Variants in GFOD1 observed in about 807,000 individuals in gnomAD.
GFOD1 encodes Gfo/Idh/MocA-like oxidoreductase domain containing 1, also known as glucose-fructose oxidoreductase domain-containing protein 1.
GFOD1 carries 9 observed loss-of-function variants against 25.4 expected under a neutral mutation model. The ratio of observed to expected loss-of-function variants is 0.35; its 90% CI spans 0.21 to 0.62. GFOD1 has a LOEUF of 0.62. GFOD1 is among the 20% of genes least tolerant of loss of function. The pLI is 0.72. For synonymous variants in GFOD1, 253 were observed against 245.6 expected (o/e 1.03, Z -0.28); for missense variants, 403 against 556.9 (o/e 0.72, Z 2.78).
chr6:13,382,026 C>T (rs1175327017), intron 1 of GFOD1, among the ~76,000 whole-genome samples: 3 of 151,962 alleles, frequency 2.0e-5, no homozygotes, highest in Non-Finnish European at 4.4e-5. Flanking sequence ...TCACTGAATC[C>T]TCCCAAAACC....
In GFOD1 at chr6:13,478,073, A is replaced by C. The variant is rs370215010; in HGVS notation, c.253+8565T>G. On this transcript the variant is annotated intron_variant, in intron 1 of 1. Coordinates refer to ENST00000379287, the MANE Select transcript of GFOD1 (RefSeq NM_018988.4). ...AGTGAGAATCTATCTCAAAAAAAAA[A>C]AAAACAAAACAAAGAAACAAAAAAA... Among the ~76,000 whole-genome samples, 1,304 of 151,910 alleles carry C rather than the reference A, an allele frequency of 8.6e-3. 21 individuals are homozygous for C. Among genetic ancestry groups the C allele is most frequent in the African/African-American group, 0.028 (1,174 of 41,452 alleles).
chr6:13,445,267 T>A (rs1208535041), intron 1 of GFOD1, among the ~76,000 whole-genome samples: 1 of 152,264 alleles, frequency 6.6e-6, no homozygotes, highest in South Asian at 2.1e-4. Flanking sequence ...GATTTCCTGA[T>A]GCTCGTTGAG....
At position 13,364,652 on chromosome 6, in the gene GFOD1, C is replaced by T; in HGVS notation, c.*91G>A. The T allele has an allele frequency of 9.1e-7, 1 of 1,100,328 alleles. No homozygotes were observed. Among genetic ancestry groups the T allele is most frequent in the Non-Finnish European group, 1.3e-6 (1 of 764,454 alleles). 68.2% of individuals were successfully genotyped at this position (1,100,328 alleles called of 1,614,324 possible). On this transcript the variant is annotated 3_prime_UTR_variant, in exon 2 of 2. Coordinates refer to ENST00000379287, the MANE Select transcript of GFOD1 (RefSeq NM_018988.4). This position sits in a 1 kb window ranked among gnomAD's most constrained non-coding sequence, Gnocchi z 4.1. ...TGTCCCTCCACCTCCCTGATCCCCA[C>T]ATTCCCCATGGTCACCCTCTCCCCT...
At chr6:13,412,378 G>A (rs1786091413) in intron 1 of GFOD1, among the ~76,000 whole-genome samples, 1 of 152,138 alleles carries the variant, frequency 6.6e-6, no homozygotes, top group African/African-American at 2.4e-5. Context: ...AACGAGAAAG[G>A]CCTTAGGAGA....
At chr6:13,445,376 T>C (rs962091983) in intron 1 of GFOD1, among the ~76,000 whole-genome samples, 18 of 152,172 alleles carry the variant, frequency 1.2e-4, no homozygotes, top group African/African-American at 4.3e-4. Context: ...TCGATCACAG[T>C]AATAATGTTC....
In GFOD1 at chr6:13,421,928, T is replaced by C. The variant is rs942243171; in HGVS notation, c.254-56266A>G. 3.3e-5 allele frequency among the ~76,000 whole-genome samples: 5 copies of C among 152,316 alleles called. No homozygotes were observed. The South Asian group carries it at 1.0e-3, about 32-fold the overall frequency. On this transcript the variant is annotated intron_variant, in intron 1 of 1. Transcript: ENST00000379287. The stretch of plus-strand genomic sequence containing the variant: ...TGATGAATAAAGCAACGGCTGCGTT[T>C]TATCTCCAGAAAGCACCACTGAGCC...
chr6:13,395,277 G>A (rs1584626118), intron 1 of GFOD1, among the ~76,000 whole-genome samples: 1 of 152,230 alleles, frequency 6.6e-6, no homozygotes, highest in Non-Finnish European at 1.5e-5. Context: ...AGGAGGGAGG[G>A]ACAGGCTGGA....
At position 13,363,995 on chromosome 6, in the gene GFOD1, T is replaced by G. The variant is rs2127554063; in HGVS notation, c.*748A>C. The G allele has an allele frequency of 6.6e-6, 1 of 152,384 alleles. No homozygotes were observed. Among genetic ancestry groups the G allele is most frequent in the African/African-American group, 2.4e-5 (1 of 41,582 alleles). 9.4% of individuals were successfully genotyped at this position (152,384 alleles called of 1,614,324 possible). A position where few individuals can be genotyped will look rare whatever the true frequency, so the allele number is the denominator to read the frequency against. ...GGGATATTTTATTCTCTGCTGCCCC[T>G]GCTTTGGTGCAGCCTGTGCTCTTTT... On this transcript the variant is annotated 3_prime_UTR_variant, in exon 2 of 2. Coordinates refer to ENST00000379287, the MANE Select transcript of GFOD1 (RefSeq NM_018988.4).
At chr6:13,422,656 A>G (rs1013297061) in intron 1 of GFOD1, among the ~76,000 whole-genome samples, 6 of 152,228 alleles carry the variant, frequency 3.9e-5, no homozygotes, top group African/African-American at 1.4e-4. Flanking sequence ...GGAATGAAAA[A>G]AGAAACCCGT....
intron 1 of GFOD1, among the ~76,000 whole-genome samples, chr6:13,458,153 T>C (rs890868650): frequency 6.6e-6 from 1 of 152,216 alleles, no homozygotes; most frequent in African/African-American, 2.4e-5. Flanking sequence ...AGTCTAGCTC[T>C]GTTGCCCAGG....
intron 1 of GFOD1, among the ~76,000 whole-genome samples, chr6:13,395,821 C>G (rs1472167139): frequency 6.6e-6 from 1 of 152,182 alleles, no homozygotes; most frequent in African/African-American, 2.4e-5. Flanking sequence ...CAGCCATGAG[C>G]ACAGAAGCTG....
intron 1 of GFOD1, among the ~76,000 whole-genome samples, chr6:13,479,737 A>G (rs1281224527): frequency 2.0e-5 from 3 of 152,218 alleles, no homozygotes; most frequent in Non-Finnish European, 2.9e-5. Flanking sequence ...CCTAATTTCA[A>G]TTAGATGAAA....
chr6:13,416,224 C>T (rs1055771207), intron 1 of GFOD1, among the ~76,000 whole-genome samples: 1 of 152,140 alleles, frequency 6.6e-6, no homozygotes, highest in Non-Finnish European at 1.5e-5. Context: ...GCCTCATTGG[C>T]CATGAAGAAC....
chr6:13,485,156 T>C lies in GFOD1; in HGVS notation c.253+1482A>G, dbSNP rs912727504. ...AATAAAATTAACTGACAATTAAAAC[T>C]GACAATGTGGGCAGCCTCCTTAGGA... On this transcript the variant is annotated intron_variant, in intron 1 of 1. Transcript: ENST00000379287. 2.0e-5 allele frequency among the ~76,000 whole-genome samples: 3 copies of C among 152,204 alleles called. No homozygotes were observed. The East Asian group carries it at 5.8e-4, about 29-fold the overall frequency.
At chr6:13,413,171 C>A (rs749803506) in intron 1 of GFOD1, among the ~76,000 whole-genome samples, 14 of 152,314 alleles carry the variant, frequency 9.2e-5, no homozygotes, top group Middle Eastern at 3.4e-3. Flanking sequence ...CAGTTACCAG[C>A]CACACAATTT....
chr6:13,473,641 G>A (rs1009467632), intron 1 of GFOD1, among the ~76,000 whole-genome samples: 1 of 152,270 alleles, frequency 6.6e-6, no homozygotes, highest in African/African-American at 2.4e-5. Context: ...TCAACTGCAA[G>A]CCACACAGTT....
In GFOD1 at chr6:13,364,065, C is replaced by A. The variant is rs1784992209; in HGVS notation, c.*678G>T. 6.6e-6 allele frequency: 1 copy of A among 152,212 alleles called. No individual in the cohort carries two copies. The highest frequency in any genetic ancestry group is 1.9e-4 in the East Asian group (1 of 5,188). 9.4% of individuals were successfully genotyped at this position (152,212 alleles called of 1,614,324 possible). ...CTGCTTTTTGCTTGCTATTTCTGAC[C>A]TCTCTTTCTCTACCAGGTGAAGGGC... On this transcript the variant is annotated 3_prime_UTR_variant, in exon 2 of 2. Coordinates refer to ENST00000379287, the MANE Select transcript of GFOD1 (RefSeq NM_018988.4). The surrounding 1 kb of genome is among the most constrained non-coding windows in gnomAD (Gnocchi z 4.1).
chr6:13,467,223 T>C (rs1416528670), intron 1 of GFOD1, among the ~76,000 whole-genome samples: 1 of 152,096 alleles, frequency 6.6e-6, no homozygotes, highest in Non-Finnish European at 1.5e-5. Context: ...GCTAAGTCAA[T>C]ACCAAGCTTT....
intron 1 of GFOD1, among the ~76,000 whole-genome samples, chr6:13,387,418 C>T (rs1785497455): frequency 1.3e-5 from 2 of 152,312 alleles, no homozygotes; most frequent in East Asian, 1.9e-4. Context: ...GCTTATCCAC[C>T]ATGATCAAGT....
Sources: allele counts gnomAD v4.1 joint callset (sites outside exome capture counted in the v4.1 genomes callset), GRCh38; gene constraint gnomAD v4.1.1; non-coding constraint Gnocchi (gnomAD v3.1); transcripts MANE v1.5; gene names NCBI Gene and HGNC (gene_info 2026-07-23, HGNC 2026-07-21).